Variants in TBL1XR1 observed in about 807,000 individuals in gnomAD.
TBL1XR1 encodes the protein F-box-like/WD repeat-containing protein TBL1XR1.
A neutral mutation model predicts 66.9 loss-of-function variants in TBL1XR1; 5 were observed. The observed-to-expected ratio is 0.07, with a 90% CI of 0.04 to 0.16. The LOEUF (loss-of-function observed/expected upper bound fraction) is 0.16. TBL1XR1 is among the 10% of genes least tolerant of loss of function. TBL1XR1 has a pLI of 1.00. For synonymous variants in TBL1XR1, 210 were observed against 206.0 expected (o/e 1.02, Z -0.17); for missense variants, 238 against 623.2 (o/e 0.38, Z 6.58).
chr3:177,094,512 T>A (rs1279421082), intron 2 of TBL1XR1, among the ~76,000 whole-genome samples: 1 of 152,136 alleles, frequency 6.6e-6, no homozygotes, highest in East Asian at 1.9e-4. Flanking sequence ...ATGAAACAGA[T>A]CCTTGTACAC....
At chr3:177,071,155 C>A (rs938044916) in intron 2 of TBL1XR1, among the ~76,000 whole-genome samples, 1 of 151,282 alleles carries the variant, frequency 6.6e-6, no homozygotes, top group Non-Finnish European at 1.5e-5. Flanking sequence ...CTTAGCCTCC[C>A]GAGCAGCTGG....
At chr3:177,037,999 C>CTCCAGATTAAAA (rs1172841261) in intron 12 of TBL1XR1, 99 bp downstream of exon 12, 38 of 989,216 alleles carry the variant, frequency 3.8e-5, no homozygotes, top group Non-Finnish European at 5.2e-5. Flanking sequence ...CAGGTACAAA[C>CTCCAGATTAAAA]ACTCCATGTA....
chr3:177,153,748 G>A (rs1011716344), intron 1 of TBL1XR1, among the ~76,000 whole-genome samples: 3 of 151,836 alleles, frequency 2.0e-5, no homozygotes, highest in African/African-American at 4.8e-5. Context: ...GTGGTGGCAC[G>A]CGCCTGTAAT....
chr3:177,076,506 C>T (rs73187515), intron 2 of TBL1XR1, among the ~76,000 whole-genome samples: 33,615 of 152,074 alleles, frequency 0.22, 4,055 homozygotes, highest in East Asian at 0.5. Context: ...TTCTGAGGTA[C>T]TGGAGGTTAG....
intron 1 of TBL1XR1, among the ~76,000 whole-genome samples, chr3:177,135,196 T>C (rs149050331): frequency 0.022 from 3,319 of 149,304 alleles, 147 homozygotes; most frequent in African/African-American, 0.078. Context: ...GAGATGGGGT[T>C]TCGCCACGTT....
chr3:177,199,203 C>T (rs1737285405), upstream of TBL1XR1, among the ~76,000 whole-genome samples: 1 of 152,134 alleles, frequency 6.6e-6, no homozygotes, highest in Non-Finnish European at 1.5e-5. Flanking sequence ...ACAATGTCAC[C>T]CGATGGGAAT....
chr3:177,047,870 T>C (rs1322717027), intron 7 of TBL1XR1: 3 of 278,074 alleles, frequency 1.1e-5, no homozygotes, highest in Admixed American at 9.3e-5. Context: ...GAAGGTAGAG[T>C]GGTGGACTGG....
Position 177,020,207 on chromosome 3 carries a change from T to C in TBL1XR1, c.*5291A>G, listed in dbSNP as rs1712172142. On this transcript the variant is annotated 3_prime_UTR_variant, in exon 16 of 16. Transcript: ENST00000457928. ...GCCTCCTGCCCTAATCTTCAACACA[T>C]CTACACATTGTTTTGTGCTCAACCG... is the stretch of plus-strand genomic sequence containing the variant. 1.3e-5 allele frequency: 2 copies of C among 151,708 alleles called. No homozygotes were observed. Among genetic ancestry groups the C allele is most frequent in the Non-Finnish European group, 2.9e-5 (2 of 67,894 alleles). 9.4% of individuals were successfully genotyped at this position (151,708 alleles called of 1,614,324 possible). A position where few individuals can be genotyped will look rare whatever the true frequency, so the allele number is the denominator to read the frequency against.
intron 3 of TBL1XR1, among the ~76,000 whole-genome samples, chr3:177,055,640 C>G (rs1157567633): frequency 6.6e-6 from 1 of 151,916 alleles, no homozygotes; most frequent in Non-Finnish European, 1.5e-5. Context: ...GAGTAGATTC[C>G]AGATCACCAA....
At chr3:177,196,814 A>G (rs1736920429) in intron 1 of TBL1XR1, among the ~76,000 whole-genome samples, 1 of 151,354 alleles carries the variant, frequency 6.6e-6, no homozygotes, top group Non-Finnish European at 1.5e-5. Flanking sequence ...CGAGGTGCAC[A>G]TTTTCGGGGA....
chr3:177,113,056 C>A (rs1252718381), intron 1 of TBL1XR1, among the ~76,000 whole-genome samples: 1 of 151,638 alleles, frequency 6.6e-6, no homozygotes. Context: ...AAAAGTAAAT[C>A]TACACATTTA....
chr3:177,044,181 A>C (rs1285878283), intron 10 of TBL1XR1, among the ~76,000 whole-genome samples: 1 of 152,172 alleles, frequency 6.6e-6, no homozygotes, highest in African/African-American at 2.4e-5. Context: ...CATGTTGTTT[A>C]ATAACATAAC....
chr3:177,135,453 G>A (rs1205977673), intron 1 of TBL1XR1, among the ~76,000 whole-genome samples: 3 of 142,826 alleles, frequency 2.1e-5, no homozygotes, highest in African/African-American at 7.8e-5. Flanking sequence ...GTGCAATCTC[G>A]GCTCACTGCA....
At position 177,032,008 on chromosome 3, in the gene TBL1XR1, T is replaced by C. The variant is rs1024780066; in HGVS notation, c.1416+963A>G. The stretch of plus-strand genomic sequence containing the variant: ...TGTGCTTAAATATATAAAAAAAGAT[T>C]CCTAATGTCATTCATAAGAAAATGC... On this transcript the variant is annotated intron_variant, in intron 14 of 15. Coordinates refer to ENST00000457928, the MANE Select transcript of TBL1XR1 (RefSeq NM_024665.7). Among the ~76,000 whole-genome samples the C allele has an allele frequency of 2.0e-5, 3 of 152,198 alleles. No homozygotes were observed. In the South Asian group the frequency reaches 6.2e-4, roughly 32 times the overall value.
chr3:177,151,145 G>A (rs918205820), intron 1 of TBL1XR1, among the ~76,000 whole-genome samples: 6 of 152,138 alleles, frequency 3.9e-5, no homozygotes, highest in Non-Finnish European at 7.3e-5. Flanking sequence ...CTTGTGAAGG[G>A]CCACAGTGGT....
chr3:177,151,198 G>C (rs1730841773), intron 1 of TBL1XR1, among the ~76,000 whole-genome samples: 1 of 152,196 alleles, frequency 6.6e-6, no homozygotes, highest in African/African-American at 2.4e-5. Context: ...CTGTGACTGA[G>C]AGCCACACAT....
At chr3:177,103,170 G>C (rs1248450157) in intron 1 of TBL1XR1, among the ~76,000 whole-genome samples, 3 of 152,180 alleles carry the variant, frequency 2.0e-5, no homozygotes, top group African/African-American at 4.8e-5. Context: ...GAAAATGCTT[G>C]AGAGAACCTG....
At chr3:177,052,522 T>C (rs1238732967) in intron 4 of TBL1XR1, among the ~76,000 whole-genome samples, 1 of 152,192 alleles carries the variant, frequency 6.6e-6, no homozygotes, top group Non-Finnish European at 1.5e-5. Context: ...TATTTTAACT[T>C]ATAAATAATT....
intron 1 of TBL1XR1, among the ~76,000 whole-genome samples, chr3:177,185,300 C>T (rs1469090190): frequency 1.3e-5 from 2 of 152,138 alleles, no homozygotes; most frequent in Non-Finnish European, 2.9e-5. Context: ...CAGTCTTCTA[C>T]CCCTTAAGTT....
Sources: gnomAD v4.1 joint callset for allele counts (sites outside exome capture counted in the v4.1 genomes callset) on GRCh38, gnomAD v4.1.1 for gene constraint, MANE v1.5 for transcripts, NCBI Gene and HGNC (gene_info 2026-07-23, HGNC 2026-07-21) for gene names.